ANK2: variants seen among roughly 807,000 people sequenced by gnomAD.
The protein encoded by ANK2 is ankyrin-2.
A neutral mutation model predicts 360.5 loss-of-function variants in ANK2; 83 were observed. That is an observed-to-expected ratio of 0.23 (90% CI 0.19 to 0.28). The LOEUF is 0.28. ANK2 is among the 10% of genes least tolerant of loss of function. The pLI is 1.00. For synonymous variants in ANK2, 1,740 were observed against 1,759.5 expected (o/e 0.99, Z 0.28); for missense variants, 4,201 against 4,795.7 (o/e 0.88, Z 3.66).
chr4:112,955,442 A>T (rs1313530835), intron 2 of ANK2, among the ~76,000 whole-genome samples: 1 of 152,176 alleles, frequency 6.6e-6, no homozygotes, highest in African/African-American at 2.4e-5. Context: ...GCATGTAGAT[A>T]TGAGAGCGTT....
At chr4:113,344,029 C>T (rs567699532) in intron 34 of ANK2, among the ~76,000 whole-genome samples, 1 of 152,228 alleles carries the variant, frequency 6.6e-6, no homozygotes, top group African/African-American at 2.4e-5. Flanking sequence ...TTTCCAAGAT[C>T]TCTGCTGAGT....
At chr4:113,108,338 T>C (rs1460515981) in intron 1 of ANK2, among the ~76,000 whole-genome samples, 1 of 152,220 alleles carries the variant, frequency 6.6e-6, no homozygotes, top group Non-Finnish European at 1.5e-5. Flanking sequence ...AATTCCTTTT[T>C]ATTAAGTTCT....
intron 1 of ANK2, among the ~76,000 whole-genome samples, chr4:113,077,998 C>T (rs1160438305): frequency 6.6e-6 from 1 of 151,454 alleles, no homozygotes; most frequent in African/African-American, 2.4e-5. Context: ...TGGGGGGAAA[C>T]TCAATTGGAC....
chr4:112,959,395 C>A (rs778347071), intron 2 of ANK2, among the ~76,000 whole-genome samples: 29 of 152,102 alleles, frequency 1.9e-4, no homozygotes, highest in Non-Finnish European at 3.1e-4. Flanking sequence ...TGAAGCAGTG[C>A]CTGCTTTCTT....
intron 1 of ANK2, among the ~76,000 whole-genome samples, chr4:113,145,212 T>C (rs1232552100): frequency 6.6e-6 from 1 of 152,206 alleles, no homozygotes; most frequent in East Asian, 1.9e-4. Flanking sequence ...ATGGATGTGT[T>C]TCCATTGAAT....
chr4:112,893,904 C>A (rs568593115), intron 1 of ANK2, among the ~76,000 whole-genome samples: 268 of 152,168 alleles, frequency 1.8e-3, no homozygotes, highest in Admixed American at 3.9e-3. Flanking sequence ...GGCTGAGGCA[C>A]GAGAATTGCT....
At chr4:112,712,827 G>A in the ANK2 span, among the ~76,000 whole-genome samples, 9 of 152,162 alleles carry the variant, frequency 5.9e-5, no homozygotes. Context: ...GTTATGTATT[G>A]ACATTATTAA....
chr4:113,018,900 T>C (rs935150720), intron 2 of ANK2, among the ~76,000 whole-genome samples: 1 of 152,232 alleles, frequency 6.6e-6, no homozygotes. Flanking sequence ...TATAATCCTC[T>C]GTGGTCATCT....
At chr4:113,051,905 T>C (rs2067219468) in intron 1 of ANK2, among the ~76,000 whole-genome samples, 1 of 152,204 alleles carries the variant, frequency 6.6e-6, no homozygotes, top group Non-Finnish European at 1.5e-5. Context: ...CTTTCAGGTG[T>C]TATTCTCTTA....
rs985451724 is a variant in ANK2 at position 112,879,259 on chromosome 4, A to C, written c.-39-25196A>C. 5.3e-5 allele frequency among the ~76,000 whole-genome samples: 8 copies of C among 152,174 alleles called. 1 individual carries two copies. The South Asian group carries it at 6.2e-4, about 12-fold the overall frequency. ...CCTACAGGATATTGCTGAAATAATGAAGTTTGACTTCTGAGGTTCAGTCAT... is the reference window on the plus strand; with the variant it reads ...CCTACAGGATATTGCTGAAATAATGCAGTTTGACTTCTGAGGTTCAGTCAT... On this transcript the variant is annotated intron_variant, in intron 1 of 30. Transcript: ENST00000503271.
At chr4:113,252,567 TA>T (rs2047041258) in intron 10 of ANK2, among the ~76,000 whole-genome samples, 1 of 152,178 alleles carries the variant, frequency 6.6e-6, no homozygotes, top group Admixed American at 6.5e-5. Flanking sequence ...TAGGTAACTC[TA>T]AACCCTCTAT....
chr4:113,138,753 A>G (rs1562339837), intron 1 of ANK2, among the ~76,000 whole-genome samples: 1 of 152,230 alleles, frequency 6.6e-6, no homozygotes, highest in South Asian at 2.1e-4. Flanking sequence ...CAAATGTATC[A>G]AAACATTTAA....
chr4:112,819,923 A>T (rs545121481), intron 1 of ANK2, among the ~76,000 whole-genome samples: 2 of 151,576 alleles, frequency 1.3e-5, no homozygotes, highest in South Asian at 4.2e-4. Flanking sequence ...CCTAGACCAC[A>T]CCCCCTTTTT....
chr4:112,845,197 G>C (rs1213173687), intron 1 of ANK2, among the ~76,000 whole-genome samples: 1 of 152,096 alleles, frequency 6.6e-6, no homozygotes, highest in East Asian at 1.9e-4. Context: ...TCACCAGCAA[G>C]TAAAAGAATG....
intron 1 of ANK2, chr4:113,141,473 G>C (rs1449974631): frequency 6.6e-6 from 1 of 152,130 alleles, no homozygotes; most frequent in East Asian, 1.9e-4. Flanking sequence ...CTTCAGAGCT[G>C]GAAGGGATCC....
At chr4:112,931,456 T>G (rs1973540) in intron 2 of ANK2, among the ~76,000 whole-genome samples, 8 of 114,694 alleles carry the variant, frequency 7.0e-5, no homozygotes, top group South Asian at 2.5e-4. Flanking sequence ...TTTTTTTTTT[T>G]GGGACAGAGT....
intron 4 of ANK2, among the ~76,000 whole-genome samples, chr4:113,224,053 A>G (rs564348217): frequency 6.6e-6 from 1 of 152,296 alleles, no homozygotes; most frequent in African/African-American, 2.4e-5. Flanking sequence ...TTCAGAGAAG[A>G]TGATCCAAAA....
chr4:113,158,736 T>C (rs959190709), intron 1 of ANK2, among the ~76,000 whole-genome samples: 1 of 152,138 alleles, frequency 6.6e-6, no homozygotes, highest in African/African-American at 2.4e-5. Flanking sequence ...GAGACAAGGG[T>C]AGCCTGCTAC....
At chr4:112,781,891 G>A in the ANK2 span, among the ~76,000 whole-genome samples, 3 of 147,492 alleles carry the variant, frequency 2.0e-5, no homozygotes, top group Non-Finnish European at 3.0e-5. Context: ...GTGCAGTGGC[G>A]TGATATTGGC....
Sources: gnomAD v4.1 joint callset for allele counts (sites outside exome capture counted in the v4.1 genomes callset) on GRCh38, gnomAD v4.1.1 for gene constraint, MANE v1.5 for transcripts, NCBI Gene and HGNC (gene_info 2026-07-23, HGNC 2026-07-21) for gene names.